Variants in RIC1 observed in about 807,000 individuals in gnomAD.
RIC1 encodes the protein RIC1 partner of RAB6A GEF complex.
RIC1 carries 88 observed loss-of-function variants against 169.0 expected under a neutral mutation model. The ratio of observed to expected loss-of-function variants is 0.52; its 90% confidence interval spans 0.44 to 0.62. RIC1 has a LOEUF of 0.62. Ranked by LOEUF, RIC1 falls within the 20% of genes least tolerant of loss-of-function variation. RIC1 has a pLI of 0.00. For missense variants in RIC1, 1,877 were observed against 1,725.5 expected, an observed-to-expected ratio of 1.09 and a Z score of -1.56; for synonymous variants, 790 against 601.5, an observed-to-expected ratio of 1.31 and a Z score of -4.59.
intron 1 of RIC1, among the ~76,000 whole-genome samples, chr9:5,648,425 T>A (rs1818638544): frequency 6.6e-6 from 1 of 152,214 alleles, no homozygotes; most frequent in South Asian, 2.1e-4. Flanking sequence ...GATTATCTGT[T>A]GGTGGACACT....
intron 2 of RIC1, among the ~76,000 whole-genome samples, chr9:5,684,939 T>A (rs980205675): frequency 6.6e-5 from 10 of 152,234 alleles, no homozygotes; most frequent in African/African-American, 2.4e-4. Context: ...TTTTCCTTTT[T>A]TAGTTTGTTA....
chr9:5,691,502 AT>A (rs1345022156), intron 3 of RIC1, among the ~76,000 whole-genome samples: 6 of 151,934 alleles, frequency 3.9e-5, no homozygotes, highest in African/African-American at 1.4e-4. Flanking sequence ...TAACTTGTTT[AT>A]TTTTCAATAA....
At chr9:5,645,238 G>C (rs575769285) in intron 1 of RIC1, among the ~76,000 whole-genome samples, 40 of 152,196 alleles carry the variant, frequency 2.6e-4, no homozygotes, top group South Asian at 2.1e-3. Context: ...ATTTTGTAGA[G>C]ACAGGGTCTC....
intron 6 of RIC1, 61 bp from the exon 7 acceptor site, chr9:5,732,327 A>G: frequency 7.9e-7 from 1 of 1,266,458 alleles, no homozygotes; most frequent in Non-Finnish European, 1.1e-6. Flanking sequence ...GGAGAATTAT[A>G]TTGACTACGG....
At position 5,656,581 on chromosome 9, in the gene RIC1, A is replaced by G; in HGVS notation, c.145-2A>G. 6.8e-7 allele frequency: 1 copy of G among 1,470,898 alleles called. No homozygotes were observed. Among genetic ancestry groups the G allele is most frequent in the Non-Finnish European group, 9.2e-7 (1 of 1,090,560 alleles). 91.1% of individuals were successfully genotyped at this position (1,470,898 alleles called of 1,614,324 possible). On this transcript the variant is annotated splice_acceptor_variant, in intron 1 of 25. Transcript: ENST00000414202. LOFTEE classifies it high-confidence loss of function. ...AACTTTTTTTTTTTTTTAATCACACAGCCTAGTGTGTTAATTGTAACCTAC... is the reference window on the plus strand; with the variant it reads ...AACTTTTTTTTTTTTTTAATCACACGGCCTAGTGTGTTAATTGTAACCTAC...
intron 2 of RIC1, among the ~76,000 whole-genome samples, chr9:5,682,526 C>A (rs558822533): frequency 2.0e-5 from 3 of 152,080 alleles, no homozygotes; most frequent in Non-Finnish European, 4.4e-5. Context: ...GCCAAGAGAT[C>A]GGCTGTTAGT....
At chr9:5,720,346 G>A (rs1242587812) in intron 5 of RIC1, 22 bp downstream of exon 5, 4 of 1,595,094 alleles carry the variant, frequency 2.5e-6, no homozygotes, top group Non-Finnish European at 3.4e-6. Flanking sequence ...TTCTACATGA[G>A]GTTGAACCAG....
chr9:5,774,283 G>C lies in RIC1; in HGVS notation c.*37G>C. On this transcript the variant is annotated 3_prime_UTR_variant, in exon 26 of 26. Coordinates refer to ENST00000414202, the MANE Select transcript of RIC1 (RefSeq NM_020829.4). ...CATCACAAAGGGGCAGTATTAATTA[G>C]CAGCAGCGTGCAGCTCAGTACGTTG... 1 of 1,540,550 alleles carries C rather than the reference G, an allele frequency of 6.5e-7. No individual in the cohort carries two copies. Among genetic ancestry groups the C allele is most frequent in the Non-Finnish European group, 8.8e-7 (1 of 1,134,192 alleles).
chr9:5,665,325 G>A (rs969191937), intron 2 of RIC1, among the ~76,000 whole-genome samples: 2 of 152,164 alleles, frequency 1.3e-5, no homozygotes, highest in East Asian at 3.9e-4. Flanking sequence ...AGGTCTCTAA[G>A]AACTTGGCAC....
intron 8 of RIC1, among the ~76,000 whole-genome samples, chr9:5,742,117 C>T (rs1313392864): frequency 4.6e-5 from 7 of 152,270 alleles, no homozygotes; most frequent in African/African-American, 1.7e-4. Context: ...GTGTTCCTTG[C>T]TAATTCTTTT....
intron 21 of RIC1, among the ~76,000 whole-genome samples, chr9:5,768,417 C>T (rs527644402): frequency 1.3e-5 from 2 of 152,234 alleles, no homozygotes; most frequent in South Asian, 4.2e-4. Context: ...GTCCCAGCTA[C>T]TTGGGAGGCT....
chr9:5,778,498 T>G (rs759015430), downstream of RIC1, among the ~76,000 whole-genome samples: 1 of 152,326 alleles, frequency 6.6e-6, no homozygotes, highest in East Asian at 1.9e-4. Context: ...TCATCACTAA[T>G]TATGATGCTA....
intron 1 of RIC1, among the ~76,000 whole-genome samples, chr9:5,639,712 T>A (rs981417665): frequency 2.6e-5 from 4 of 152,178 alleles, no homozygotes; most frequent in African/African-American, 9.7e-5. Context: ...CATATTGAGG[T>A]CTAGCTCTCT....
intron 3 of RIC1, among the ~76,000 whole-genome samples, chr9:5,701,715 T>C (rs1458756781): frequency 2.0e-5 from 3 of 152,224 alleles, no homozygotes; most frequent in Non-Finnish European, 4.4e-5. Context: ...ATTCGTACTA[T>C]AACATTAGTA....
At chr9:5,706,633 T>C (rs942615959) in intron 3 of RIC1, among the ~76,000 whole-genome samples, 2 of 152,214 alleles carry the variant, frequency 1.3e-5, no homozygotes, top group Non-Finnish European at 2.9e-5. Context: ...CATTACTTAT[T>C]ATAGGTCTAT....
chr9:5,634,340 G>A (rs1158020680), intron 1 of RIC1, among the ~76,000 whole-genome samples: 5 of 152,132 alleles, frequency 3.3e-5, no homozygotes, highest in Non-Finnish European at 5.9e-5. Context: ...TTGCAGTCCC[G>A]TCAATAGTGT....
At position 5,637,705 on chromosome 9, in the gene RIC1, A is replaced by G. The variant is rs143813888; in HGVS notation, c.144+8252A>G. Among the ~76,000 whole-genome samples the G allele has an allele frequency of 1.9e-4, 29 of 152,322 alleles. No homozygotes were observed. In the East Asian group the frequency reaches 5.0e-3, roughly 26 times the overall value. Reference sequence around the variant, plus strand: ...GTAGATCCCACAAATAAGTGAGAACATGCGATGTTTGTCTCTCTATGCCTT... The same window carrying G: ...GTAGATCCCACAAATAAGTGAGAACGTGCGATGTTTGTCTCTCTATGCCTT... On this transcript the variant is annotated intron_variant, in intron 1 of 25. Coordinates refer to ENST00000414202, the MANE Select transcript of RIC1 (RefSeq NM_020829.4).
chr9:5,649,824 T>C (rs1016732368), intron 1 of RIC1, among the ~76,000 whole-genome samples: 1 of 152,172 alleles, frequency 6.6e-6, no homozygotes, highest in African/African-American at 2.4e-5. Flanking sequence ...GTTTTTTAGA[T>C]TGGCTTTCAG....
intron 11 of RIC1, among the ~76,000 whole-genome samples, 192 bp downstream of exon 11, chr9:5,746,275 G>A (rs1380736699): frequency 1.3e-5 from 2 of 151,590 alleles, no homozygotes; most frequent in African/African-American, 4.8e-5. Context: ...TGTTTCTTTG[G>A]TCTTATTTTT....
Sources: gnomAD v4.1 joint callset for allele counts (sites outside exome capture counted in the v4.1 genomes callset) on GRCh38, gnomAD v4.1.1 for gene constraint, MANE v1.5 for transcripts, NCBI Gene and HGNC (gene_info 2026-07-23, HGNC 2026-07-21) for gene names.